The following C1orf87 variants were observed in gnomAD, a reference collection of about 807,000 sequenced individuals.
The protein encoded by C1orf87 is chromosome 1 open reading frame 87.
Under a neutral mutation model 60.5 loss-of-function variants are expected in C1orf87, and 58 were observed. The ratio of observed to expected loss-of-function variants is 0.96; its 90% CI spans 0.78 to 1.19. The LOEUF (loss-of-function observed/expected upper bound fraction) is 1.19, where lower values mean the gene tolerates loss of function less well. Ranked by LOEUF, C1orf87 falls within the 50% of genes most tolerant of loss-of-function variation. C1orf87 has a pLI of 0.00. For synonymous variants in C1orf87, 236 were observed against 227.4 expected (o/e 1.04, Z -0.34); for missense variants, 673 against 638.6 (o/e 1.05, Z -0.58).
intron 8 of C1orf87, among the ~76,000 whole-genome samples, chr1:60,024,886 G>T (rs1468298516): frequency 1.3e-5 from 2 of 152,162 alleles, no homozygotes; most frequent in Non-Finnish European, 2.9e-5. Flanking sequence ...GGTTGTAAGT[G>T]GAAGTTTCCT....
At chr1:59,995,274 A>G (rs763439131) in intron 11 of C1orf87, among the ~76,000 whole-genome samples, 19 of 152,144 alleles carry the variant, frequency 1.2e-4, no homozygotes, top group South Asian at 4.1e-4. Context: ...TTGTAACCTC[A>G]TCACCACTCT....
intron 10 of C1orf87, among the ~76,000 whole-genome samples, chr1:59,998,279 T>C (rs911731777): frequency 6.6e-6 from 1 of 152,158 alleles, no homozygotes; most frequent in Non-Finnish European, 1.5e-5. Context: ...TTTCAAAGGA[T>C]GTTAAAGCAC....
chr1:60,067,158 A>G (rs1645552572), intron 2 of C1orf87, among the ~76,000 whole-genome samples: 1 of 152,196 alleles, frequency 6.6e-6, no homozygotes, highest in Non-Finnish European at 1.5e-5. Context: ...GTGTCTTTAT[A>G]GTAGAATGAT....
chr1:60,056,855 A>G (rs1386426818), intron 2 of C1orf87, among the ~76,000 whole-genome samples: 1 of 152,228 alleles, frequency 6.6e-6, no homozygotes, highest in South Asian at 2.1e-4. Flanking sequence ...TTATAGATAC[A>G]GTGGAAAAGA....
intron 8 of C1orf87, among the ~76,000 whole-genome samples, chr1:60,024,933 G>A (rs931773266): frequency 6.6e-6 from 1 of 152,136 alleles, no homozygotes; most frequent in African/African-American, 2.4e-5. Flanking sequence ...CCCTTTGGTC[G>A]CAATAAAAGC....
At chr1:60,001,208 T>C in intron 9 of C1orf87, 52 bp from the exon 10 acceptor site, 1 of 1,314,560 alleles carries the variant, frequency 7.6e-7, no homozygotes, top group South Asian at 1.5e-5. Context: ...GTCTCTTCAT[T>C]TAACACACAC....
Position 59,990,849 on chromosome 1 carries a change from G to A in C1orf87, c.1481-16C>T, listed in dbSNP as rs778005609. On this transcript the variant is annotated splice_polypyrimidine_tract_variant and intron_variant, in intron 11 of 11. Transcript: ENST00000371201. Reference sequence around the variant, plus strand: ...TCCAGAACTCCTGTGATTGGATTGGGTAGGAGGAAGGTTTTTTAAAGAGGA... The same window carrying A: ...TCCAGAACTCCTGTGATTGGATTGGATAGGAGGAAGGTTTTTTAAAGAGGA... 2.4e-5 allele frequency: 39 copies of A among 1,611,118 alleles called. 1 individual carries two copies. Among genetic ancestry groups the A allele is most frequent in the Non-Finnish European group, 3.2e-5 (38 of 1,178,422 alleles).
At chr1:60,012,244 C>T (rs965624959) in intron 8 of C1orf87, among the ~76,000 whole-genome samples, 1 of 151,382 alleles carries the variant, frequency 6.6e-6, no homozygotes, top group Non-Finnish European at 1.5e-5. Context: ...TTACACATTA[C>T]ACAACATTTA....
chr1:60,041,192 G>T, intron 3 of C1orf87, 61 bp from the exon 4 acceptor site: 1 of 1,379,174 alleles, frequency 7.3e-7, no homozygotes, highest in Non-Finnish European at 9.6e-7. Flanking sequence ...AAGAGAAAGA[G>T]GAAAGAATGG....
chr1:60,014,284 G>A (rs1047307022), intron 8 of C1orf87, among the ~76,000 whole-genome samples: 3 of 152,166 alleles, frequency 2.0e-5, no homozygotes, highest in African/African-American at 7.2e-5. Flanking sequence ...AGATTGTGGT[G>A]AAGGGATAGA....
intron 2 of C1orf87, among the ~76,000 whole-genome samples, chr1:60,067,218 TA>T: frequency 6.6e-6 from 1 of 152,236 alleles, no homozygotes; most frequent in East Asian, 1.9e-4. Context: ...TTTCTGGTTC[TA>T]AATCCTTGAG....
chr1:60,006,645 G>T (rs1451283653), intron 9 of C1orf87, among the ~76,000 whole-genome samples: 1 of 151,964 alleles, frequency 6.6e-6, no homozygotes, highest in Non-Finnish European at 1.5e-5. Flanking sequence ...ACAGTGAAGA[G>T]ATTCAAATTT....
chr1:60,036,965 T>G (rs1281218749), intron 6 of C1orf87, among the ~76,000 whole-genome samples: 2 of 152,234 alleles, frequency 1.3e-5, no homozygotes, highest in African/African-American at 4.8e-5. Context: ...CACAATCATT[T>G]CTTATTTCAT....
intron 10 of C1orf87, among the ~76,000 whole-genome samples, chr1:59,999,611 G>A (rs75429604): frequency 0.034 from 5,213 of 152,222 alleles, 133 homozygotes; most frequent in Non-Finnish European, 0.047. Flanking sequence ...TCAGACTTAA[G>A]CAAGTAACTA....
chr1:60,031,999 C>T (rs1025357302), intron 7 of C1orf87, among the ~76,000 whole-genome samples: 6 of 148,678 alleles, frequency 4.0e-5, no homozygotes, highest in African/African-American at 1.2e-4. Context: ...CACACACACA[C>T]ACACATACAC....
intron 2 of C1orf87, among the ~76,000 whole-genome samples, chr1:60,069,431 A>G (rs1252517407): frequency 6.6e-6 from 1 of 152,138 alleles, no homozygotes; most frequent in Admixed American, 6.5e-5. Flanking sequence ...GTGTGTGAAG[A>G]TTAGAGACAG....
intron 3 of C1orf87, among the ~76,000 whole-genome samples, chr1:60,046,129 T>G (rs1459077626): frequency 6.6e-6 from 1 of 151,296 alleles, no homozygotes; most frequent in East Asian, 1.9e-4. Flanking sequence ...TCCTTACATC[T>G]TTTAAAATTC....
intron 8 of C1orf87, among the ~76,000 whole-genome samples, chr1:60,011,228 A>G (rs1645082547): frequency 6.6e-6 from 1 of 152,194 alleles, no homozygotes; most frequent in Admixed American, 6.6e-5. Flanking sequence ...CAAAACTTTG[A>G]CATTGAAAAT....
intron 9 of C1orf87, among the ~76,000 whole-genome samples, chr1:60,002,900 G>A (rs1288649389): frequency 6.6e-6 from 1 of 150,668 alleles, no homozygotes; most frequent in African/African-American, 2.4e-5. Flanking sequence ...AACCATTGTG[G>A]AAGTCAGTGT....
Sources: gnomAD v4.1 joint callset for allele counts (sites outside exome capture counted in the v4.1 genomes callset) on GRCh38, gnomAD v4.1.1 for gene constraint, MANE v1.5 for transcripts, NCBI Gene and HGNC (gene_info 2026-07-23, HGNC 2026-07-21) for gene names.